Variants in WWOX observed in about 807,000 individuals in gnomAD.
The protein encoded by WWOX is WW domain-containing oxidoreductase.
Under a neutral mutation model 46.2 loss-of-function variants are expected in WWOX, and 69 were observed. That is an observed-to-expected ratio of 1.49 (90% CI 1.23 to 1.82). The LOEUF is 1.82. Among genes scored for constraint, WWOX ranks in the 40% most tolerant of loss-of-function variants. WWOX has a pLI of 0.00. For synonymous variants in WWOX, 359 were observed against 202.6 expected, an observed-to-expected ratio of 1.77 and a Z score of -6.56; for missense variants, 919 against 542.6, an observed-to-expected ratio of 1.69 and a Z score of -6.89.
At chr16:78,455,387 T>C (rs144372846) in intron 8 of WWOX, among the ~76,000 whole-genome samples, 1 of 152,062 alleles carries the variant, frequency 6.6e-6, no homozygotes, top group African/African-American at 2.4e-5. Flanking sequence ...ATGCCTGTGA[T>C]TCCAGCATTT....
intron 5 of WWOX, among the ~76,000 whole-genome samples, chr16:78,302,225 T>C (rs911048200): frequency 2.6e-5 from 4 of 152,168 alleles, no homozygotes; most frequent in African/African-American, 9.7e-5. Context: ...CCTCCCAAAG[T>C]GCTGGGGTTA....
intron 8 of WWOX, among the ~76,000 whole-genome samples, chr16:78,970,147 A>G (rs2046442243): frequency 6.6e-6 from 1 of 152,172 alleles, no homozygotes; most frequent in Non-Finnish European, 1.5e-5. Flanking sequence ...CACATCGTGG[A>G]ATGGGCCTGT....
chr16:78,727,097 G>A (rs1168149885), intron 8 of WWOX, among the ~76,000 whole-genome samples: 1 of 152,112 alleles, frequency 6.6e-6, no homozygotes, highest in Non-Finnish European at 1.5e-5. Flanking sequence ...TGCATCCATG[G>A]AATATGAAAA....
chr16:78,681,238 C>G (rs7197165), intron 8 of WWOX, among the ~76,000 whole-genome samples: 14,068 of 151,880 alleles, frequency 0.093, 1,355 homozygotes, highest in African/African-American at 0.25. Context: ...AAGACTGTCT[C>G]ATAAATAAAT....
At chr16:78,850,514 C>G (rs968994873) in intron 8 of WWOX, among the ~76,000 whole-genome samples, 7 of 152,294 alleles carry the variant, frequency 4.6e-5, no homozygotes, top group African/African-American at 1.7e-4. Context: ...AGTTTTTTTA[C>G]TGCTAAGAAT....
At chr16:78,799,987 C>T (rs541059335) in intron 8 of WWOX, among the ~76,000 whole-genome samples, 7 of 152,182 alleles carry the variant, frequency 4.6e-5, no homozygotes, top group East Asian at 3.9e-4. Flanking sequence ...TCTGAGGTTC[C>T]GATGAACTCT....
intron 8 of WWOX, among the ~76,000 whole-genome samples, chr16:79,054,195 C>A (rs1306539984): frequency 1.3e-5 from 2 of 152,132 alleles, no homozygotes; most frequent in African/African-American, 4.8e-5. Context: ...TAGCTCTTTA[C>A]CCACAAAAGC....
At chr16:78,384,187 G>A (rs1406934253) in intron 5 of WWOX, among the ~76,000 whole-genome samples, 2 of 152,176 alleles carry the variant, frequency 1.3e-5, no homozygotes, top group Non-Finnish European at 2.9e-5. Context: ...GCTGAGCAGA[G>A]CAATTTCTTT....
intron 8 of WWOX, among the ~76,000 whole-genome samples, chr16:79,149,785 T>C (rs1260124093): frequency 6.6e-6 from 1 of 152,208 alleles, no homozygotes; most frequent in East Asian, 1.9e-4. Flanking sequence ...TCACGTTGCT[T>C]GGTATACATC....
Position 78,386,966 on chromosome 16 carries a change from G to T in WWOX, c.605+18G>T. On this transcript the variant is annotated intron_variant, in intron 6 of 8. Transcript: ENST00000566780. ...AAGAATGTGTGAGTGTTCCAGTGGAGGGTTATAGATCATAATTTCTTGCTA... is the reference window on the plus strand; with the variant it reads ...AAGAATGTGTGAGTGTTCCAGTGGATGGTTATAGATCATAATTTCTTGCTA... The T allele has an allele frequency of 6.2e-7, 1 of 1,607,454 alleles. No homozygotes were observed. Among genetic ancestry groups the T allele is most frequent in the Non-Finnish European group, 8.5e-7 (1 of 1,173,908 alleles).
rs550091076 is a variant in WWOX at position 78,230,576 on chromosome 16, T to C, written c.516+66287T>C. 2.6e-5 allele frequency among the ~76,000 whole-genome samples: 4 copies of C among 152,384 alleles called. No individual in the cohort carries two copies. In the East Asian group the frequency reaches 7.7e-4, roughly 29 times the overall value. On this transcript the variant is annotated intron_variant, in intron 5 of 8. Transcript: ENST00000566780. The stretch of plus-strand genomic sequence containing the variant: ...TCTTCAAGTTAACTTAAGTGGTTGA[T>C]AAAACTTTCCAAAAAGAATACTATC...
chr16:78,580,099 A>T (rs7193143), intron 8 of WWOX, among the ~76,000 whole-genome samples: 24,414 of 148,136 alleles, frequency 0.16, 2,476 homozygotes, highest in African/African-American at 0.29. Flanking sequence ...TTTGAGACCG[A>T]GTCTTGCTCT....
At chr16:78,883,273 C>G (rs937357489) in intron 8 of WWOX, among the ~76,000 whole-genome samples, 2 of 151,854 alleles carry the variant, frequency 1.3e-5, no homozygotes, top group African/African-American at 2.4e-5. Flanking sequence ...TGGACCCTCT[C>G]TCTCATCAGT....
At chr16:78,731,996 A>G (rs961061215) in intron 8 of WWOX, among the ~76,000 whole-genome samples, 3 of 151,910 alleles carry the variant, frequency 2.0e-5, no homozygotes, top group Admixed American at 2.0e-4. Context: ...ACAGGTATGC[A>G]CTACCATGCC....
intron 5 of WWOX, 86 bp downstream of exon 5, chr16:78,164,375 A>C: frequency 8.6e-7 from 1 of 1,166,698 alleles, no homozygotes; most frequent in Non-Finnish European, 1.3e-6. Flanking sequence ...GAGTGTGTAA[A>C]GTTTATTGCT....
intron 8 of WWOX, among the ~76,000 whole-genome samples, chr16:78,973,583 C>G (rs948149568): frequency 7.9e-5 from 12 of 152,128 alleles, no homozygotes; most frequent in African/African-American, 2.9e-4. Context: ...CACAGTTTTT[C>G]TTTCTGTCTC....
At position 78,691,117 on chromosome 16, in the gene WWOX, G is replaced by A. The variant is rs6564577; in HGVS notation, c.1056+258365G>A. ...AGTAAGAGTGCTTTGAATACCAGTC[G>A]TTATTGCTTTAGAAGTTCATAAAAG... On this transcript the variant is annotated intron_variant, in intron 8 of 8. Coordinates refer to ENST00000566780, the MANE Select transcript of WWOX (RefSeq NM_016373.4). The A allele has an allele frequency of 0.26, 167,743 of 633,600 alleles. 23,993 individuals carry two copies. The highest frequency in any genetic ancestry group is 0.38 in the South Asian group (20,376 of 54,248). 39.2% of individuals were successfully genotyped at this position (633,600 alleles called of 1,614,324 possible).
At chr16:78,850,151 TGA>T (rs1382127805) in intron 8 of WWOX, among the ~76,000 whole-genome samples, 1 of 151,674 alleles carries the variant, frequency 6.6e-6, no homozygotes, top group Non-Finnish European at 1.5e-5. Context: ...TCTGTGTGTG[TGA>T]GTGTGTGTGA....
Position 78,696,361 on chromosome 16 carries a change from C to T in WWOX, c.1056+263609C>T, listed in dbSNP as rs566590076. On this transcript the variant is annotated intron_variant, in intron 8 of 8. Coordinates refer to ENST00000566780, the MANE Select transcript of WWOX (RefSeq NM_016373.4). ...AGGCAGGGTCCTAAGTGACTTCAGACTCTATAGACAGTCCCTGACTTATAA... is the reference window on the plus strand; with the variant it reads ...AGGCAGGGTCCTAAGTGACTTCAGATTCTATAGACAGTCCCTGACTTATAA... 1.3e-3 allele frequency among the ~76,000 whole-genome samples: 201 copies of T among 152,312 alleles called. 2 individuals carry two copies. Among genetic ancestry groups the T allele is most frequent in the Middle Eastern group, 6.8e-3 (2 of 294 alleles).
Sources: allele counts gnomAD v4.1 joint callset (sites outside exome capture counted in the v4.1 genomes callset), GRCh38; gene constraint gnomAD v4.1.1; transcripts MANE v1.5; gene names NCBI Gene and HGNC (gene_info 2026-07-23, HGNC 2026-07-21).